Variants in FRMD4A observed in about 807,000 individuals in gnomAD.
The protein encoded by FRMD4A is FERM domain-containing protein 4A.
FRMD4A carries 29 observed loss-of-function variants against 129.1 expected under a neutral mutation model. That is an observed-to-expected ratio of 0.22 (90% CI 0.17 to 0.31). The LOEUF (loss-of-function observed/expected upper bound fraction) is 0.31. FRMD4A is among the 10% of genes least tolerant of loss of function. The probability of loss-of-function intolerance (pLI) is 1.00; values close to 1 mark genes in which losing one functional copy is unlikely to be tolerated. For synonymous variants in FRMD4A, 634 were observed against 571.6 expected, an observed-to-expected ratio of 1.11 and a Z score of -1.56; for missense variants, 1,272 against 1,375.8, an observed-to-expected ratio of 0.92 and a Z score of 1.19.
intron 8 of FRMD4A, among the ~76,000 whole-genome samples, chr10:13,757,436 T>C (rs537284930): frequency 3.9e-5 from 6 of 152,358 alleles, no homozygotes; most frequent in East Asian, 1.9e-4. Context: ...AATATGAACA[T>C]GTGTGGTCTG....
intron 3 of FRMD4A, among the ~76,000 whole-genome samples, chr10:13,847,369 G>C (rs775711128): frequency 6.6e-6 from 1 of 152,236 alleles, no homozygotes; most frequent in South Asian, 2.1e-4. Context: ...GATAGGGAAG[G>C]CCCGCTGGGG....
chr10:14,163,281 T>C (rs1368732606), intron 2 of FRMD4A, among the ~76,000 whole-genome samples: 1 of 152,254 alleles, frequency 6.6e-6, no homozygotes, highest in Non-Finnish European at 1.5e-5. Context: ...TTATAAAATA[T>C]GTCCAGGTTC....
intron 2 of FRMD4A, among the ~76,000 whole-genome samples, chr10:13,928,478 C>T (rs1407517280): frequency 6.6e-6 from 1 of 152,148 alleles, no homozygotes; most frequent in East Asian, 1.9e-4. Flanking sequence ...GCATTTATAT[C>T]CTGGCAAATG....
intron 2 of FRMD4A, among the ~76,000 whole-genome samples, chr10:13,948,756 A>G (rs1241330124): frequency 6.8e-6 from 1 of 147,988 alleles, no homozygotes; most frequent in African/African-American, 2.5e-5. Context: ...GGTTCAAGCG[A>G]TTCTCCTGCC....
chr10:14,111,474 GAATT>G (rs1837898316), intron 2 of FRMD4A, among the ~76,000 whole-genome samples: 1 of 152,096 alleles, frequency 6.6e-6, no homozygotes, highest in Non-Finnish European at 1.5e-5. Context: ...TTTAGCTCAG[GAATT>G]ACTTCACCTT....
chr10:13,759,906 C>G (rs1186259759), intron 8 of FRMD4A, among the ~76,000 whole-genome samples: 3 of 151,902 alleles, frequency 2.0e-5, no homozygotes, highest in African/African-American at 7.3e-5. Flanking sequence ...AATATTCAAA[C>G]AGAGCTGAAG....
chr10:13,692,958 G>A (rs2085856622), intron 15 of FRMD4A: 1 of 133,894 alleles, frequency 7.5e-6, no homozygotes, highest in African/African-American at 3.1e-5. Context: ...CAACCTCCAG[G>A]GTTCAGTGAT....
chr10:14,020,020 G>A (rs747539766), intron 2 of FRMD4A, among the ~76,000 whole-genome samples: 28 of 152,128 alleles, frequency 1.8e-4, no homozygotes, highest in African/African-American at 3.4e-4. Context: ...CTTCTGAAAC[G>A]AGATGCAGAC....
At chr10:13,785,685 G>C (rs10796128) in intron 5 of FRMD4A, among the ~76,000 whole-genome samples, 40,419 of 151,484 alleles carry the variant, frequency 0.27, 6,215 homozygotes, top group East Asian at 0.57. Context: ...GGTTTGTTAC[G>C]TATGTATACA....
chr10:13,746,057 T>A (rs2091275315), intron 9 of FRMD4A, among the ~76,000 whole-genome samples: 2 of 152,168 alleles, frequency 1.3e-5, no homozygotes, highest in South Asian at 2.1e-4. Context: ...TTTATTTACA[T>A]CTATGTTTCC....
intron 2 of FRMD4A, among the ~76,000 whole-genome samples, chr10:14,256,370 T>C (rs796732130): frequency 2.6e-5 from 4 of 152,172 alleles, no homozygotes; most frequent in African/African-American, 9.7e-5. Context: ...AAATCATGCA[T>C]TGGTAAAATG....
chr10:13,718,413 G>A (rs1485858997), intron 12 of FRMD4A, among the ~76,000 whole-genome samples: 1 of 152,278 alleles, frequency 6.6e-6, no homozygotes. Flanking sequence ...CACTTGGAGG[G>A]CCTGACTTCT....
chr10:13,721,476 T>C (rs953974775), intron 12 of FRMD4A, among the ~76,000 whole-genome samples: 3 of 145,884 alleles, frequency 2.1e-5, no homozygotes, highest in African/African-American at 7.5e-5. Flanking sequence ...AGTGAAACTC[T>C]GCCTCAAAAA....
chr10:14,110,906 A>T (rs1588997274), intron 2 of FRMD4A, among the ~76,000 whole-genome samples: 1 of 152,296 alleles, frequency 6.6e-6, no homozygotes, highest in African/African-American at 2.4e-5. Context: ...GTCATAGGTC[A>T]CTGCAGCCTT....
chr10:14,104,419 C>A (rs1048442811), intron 2 of FRMD4A, among the ~76,000 whole-genome samples: 3 of 152,232 alleles, frequency 2.0e-5, no homozygotes, highest in Non-Finnish European at 2.9e-5. Flanking sequence ...TCAGTCTCTG[C>A]GCATATAATT....
chr10:13,945,040 G>A (rs990428445), intron 2 of FRMD4A, among the ~76,000 whole-genome samples: 3 of 152,172 alleles, frequency 2.0e-5, no homozygotes, highest in African/African-American at 7.2e-5. Flanking sequence ...CGCCCCTCCG[G>A]TCTCTCCACC....
At chr10:13,793,865 C>A (rs1042451118) in intron 5 of FRMD4A, among the ~76,000 whole-genome samples, 2 of 152,178 alleles carry the variant, frequency 1.3e-5, no homozygotes, top group African/African-American at 4.8e-5. Context: ...AGACGGAATT[C>A]ACCTATATAG....
At chr10:14,312,280 A>G (rs1043028803) in intron 2 of FRMD4A, among the ~76,000 whole-genome samples, 2 of 152,246 alleles carry the variant, frequency 1.3e-5, no homozygotes, top group African/African-American at 4.8e-5. Flanking sequence ...GTAATTGTTT[A>G]CACAGTAAGA....
chr10:13,812,617 TGA>T (rs1173682545), intron 3 of FRMD4A, among the ~76,000 whole-genome samples: 2 of 152,168 alleles, frequency 1.3e-5, no homozygotes, highest in Admixed American at 6.5e-5. Context: ...GAGCTAGCGC[TGA>T]GTTTAAAAAG....
Sources: gnomAD v4.1 joint callset for allele counts (sites outside exome capture counted in the v4.1 genomes callset) on GRCh38, gnomAD v4.1.1 for gene constraint, MANE v1.5 for transcripts, NCBI Gene and HGNC (gene_info 2026-07-23, HGNC 2026-07-21) for gene names.